CACNA2D1: variants seen among roughly 807,000 people sequenced by gnomAD.
The protein encoded by CACNA2D1 is calcium voltage-gated channel auxiliary subunit alpha2delta 1, also known as voltage-dependent calcium channel subunit alpha-2/delta-1.
In CACNA2D1, 53 loss-of-function variants were observed where a neutral mutation model predicts 171.5. The ratio of observed to expected loss-of-function variants is 0.31; its 90% CI spans 0.25 to 0.39. The LOEUF is 0.39. Among genes scored for constraint, CACNA2D1 ranks in the 10% least tolerant of loss-of-function variants. CACNA2D1 has a pLI of 1.00. For missense variants in CACNA2D1, 903 were observed against 1,299.8 expected (o/e 0.69, Z 4.69); for synonymous variants, 442 against 443.1 (o/e 1.00, Z 0.03).
intron 3 of CACNA2D1, among the ~76,000 whole-genome samples, chr7:82,211,928 G>C (rs550662585): frequency 6.6e-6 from 1 of 152,160 alleles, no homozygotes; most frequent in African/African-American, 2.4e-5. Flanking sequence ...CATCCATTCT[G>C]ACTGGTATGA....
intron 26 of CACNA2D1, 39 bp downstream of exon 26, chr7:81,971,738 G>T (rs757974632): frequency 2.7e-6 from 3 of 1,121,254 alleles, no homozygotes; most frequent in Admixed American, 3.4e-5. Context: ...AAATTGAAAT[G>T]CAGAATACAT....
intron 10 of CACNA2D1, among the ~76,000 whole-genome samples, chr7:82,060,167 T>TATATATATA (rs1554381642): frequency 0.37 from 4,325 of 11,804 alleles, 1,006 homozygotes; most frequent in South Asian, 0.5. Flanking sequence ...ATATATATAA[T>TATATATATA]ATATATATAT....
intron 28 of CACNA2D1, among the ~76,000 whole-genome samples, chr7:81,969,287 A>G (rs1795029287): frequency 6.6e-6 from 1 of 151,388 alleles, no homozygotes; most frequent in South Asian, 2.1e-4. Flanking sequence ...GTTCTGCTGA[A>G]GTGAAGTGGA....
At chr7:82,085,787 C>T (rs1810404236) in intron 6 of CACNA2D1, among the ~76,000 whole-genome samples, 1 of 151,600 alleles carries the variant, frequency 6.6e-6, no homozygotes, top group Non-Finnish European at 1.5e-5. Context: ...AGAAACTAAT[C>T]TTGGATAGGT....
Position 81,950,206 on chromosome 7 carries a change from G to A in CACNA2D1, c.*186C>T. ...GATGCAGCATTCACACACGTTTAAG[G>A]ATCTGACACCCTGACATGCAGCCAG... On this transcript the variant is annotated 3_prime_UTR_variant, in exon 39 of 39. Transcript: ENST00000356860. 1 of 975,488 alleles carries A rather than the reference G, an allele frequency of 1.0e-6. No individual in the cohort carries two copies. 60.4% of individuals were successfully genotyped at this position (975,488 alleles called of 1,614,324 possible).
At chr7:82,295,364 T>C (rs1194983518) in intron 3 of CACNA2D1, among the ~76,000 whole-genome samples, 1 of 149,724 alleles carries the variant, frequency 6.7e-6, no homozygotes, top group African/African-American at 2.5e-5. Context: ...TGAGACAGGG[T>C]CTCACTCTGT....
At chr7:82,022,320 G>T (rs1385949966) in intron 12 of CACNA2D1, among the ~76,000 whole-genome samples, 1 of 151,382 alleles carries the variant, frequency 6.6e-6, no homozygotes, top group Admixed American at 6.6e-5. Context: ...TGTAGTTATT[G>T]TTTTCAGCTT....
Position 82,349,474 on chromosome 7 carries a change from C to T in CACNA2D1, c.177+94G>A, listed in dbSNP as rs1238916003. The T allele has an allele frequency of 4.1e-6, 4 of 986,782 alleles. No homozygotes were observed. In the East Asian group the frequency reaches 7.1e-5, roughly 18 times the overall value. 61.1% of individuals were successfully genotyped at this position (986,782 alleles called of 1,614,324 possible). Reference sequence around the variant, plus strand: ...CCAGATCCACATGAGAAATCATATCCCATTTGTAATATAGAGACACAGTTT... The same window carrying T: ...CCAGATCCACATGAGAAATCATATCTCATTTGTAATATAGAGACACAGTTT... On this transcript the variant is annotated intron_variant, in intron 2 of 38. Coordinates refer to ENST00000356860, the MANE Select transcript of CACNA2D1 (RefSeq NM_000722.4).
intron 3 of CACNA2D1, among the ~76,000 whole-genome samples, chr7:82,207,632 AC>A (rs1324770210): frequency 8.5e-5 from 13 of 152,154 alleles, no homozygotes; most frequent in Admixed American, 2.0e-4. Context: ...TTAATCTTTG[AC>A]CCTGTGCTAC....
chr7:82,084,027 T>C (rs573912838), intron 7 of CACNA2D1, among the ~76,000 whole-genome samples: 44 of 152,190 alleles, frequency 2.9e-4, no homozygotes, highest in Admixed American at 9.2e-4. Flanking sequence ...ACGCATTTTA[T>C]GTTTTTCAGC....
rs1806589054 is a variant in CACNA2D1 at position 82,060,199 on chromosome 7, TATTATATATATA to T, written c.879+217_879+228del. On this transcript the variant is annotated intron_variant, in intron 10 of 38. Coordinates refer to ENST00000356860, the MANE Select transcript of CACNA2D1 (RefSeq NM_000722.4). ...ATATAATATATATATATTATATATA[TATTATATATATA>T]ATATATATATAATATATATATATAA... Among the ~76,000 whole-genome samples the T allele has an allele frequency of 2.6e-4, 3 of 11,368 alleles. 1 individual carries two copies. The highest frequency in any genetic ancestry group is 0.015 in the East Asian group (2 of 136). The allele number at this position is 11,368 out of a possible 152,430, so 7.5% of individuals were successfully genotyped here. A position where few individuals can be genotyped will look rare whatever the true frequency, so the allele number is the denominator to read the frequency against.
chr7:82,234,263 A>T (rs1289791140), intron 3 of CACNA2D1, among the ~76,000 whole-genome samples: 2 of 152,144 alleles, frequency 1.3e-5, no homozygotes, highest in African/African-American at 2.4e-5. Context: ...TATCAAAAGC[A>T]CATACATAAT....
chr7:82,058,329 T>C (rs1806194632), intron 10 of CACNA2D1, among the ~76,000 whole-genome samples: 1 of 152,146 alleles, frequency 6.6e-6, no homozygotes, highest in Non-Finnish European at 1.5e-5. Flanking sequence ...GAATAAGACA[T>C]TCACCACATT....
chr7:81,980,911 C>A (rs946662279), intron 24 of CACNA2D1, among the ~76,000 whole-genome samples: 1 of 152,130 alleles, frequency 6.6e-6, no homozygotes, highest in African/African-American at 2.4e-5. Flanking sequence ...ATAGGTAGAA[C>A]TTTCCAAAGG....
intron 4 of CACNA2D1, among the ~76,000 whole-genome samples, chr7:82,157,991 T>A (rs1195326149): frequency 6.6e-6 from 1 of 151,892 alleles, no homozygotes; most frequent in South Asian, 2.1e-4. Flanking sequence ...TAAACATATA[T>A]GTTTACATAT....
At chr7:82,316,016 A>C (rs1376108748) in intron 3 of CACNA2D1, among the ~76,000 whole-genome samples, 1 of 152,068 alleles carries the variant, frequency 6.6e-6, no homozygotes, top group Non-Finnish European at 1.5e-5. Flanking sequence ...CTAGGCACCA[A>C]AAAATTCAAC....
intron 1 of CACNA2D1, among the ~76,000 whole-genome samples, chr7:82,385,606 C>T (rs989111173): frequency 5.3e-5 from 8 of 150,480 alleles, no homozygotes; most frequent in African/African-American, 2.0e-4. Flanking sequence ...ATACCACTTA[C>T]ACTAGTACAG....
intron 3 of CACNA2D1, among the ~76,000 whole-genome samples, chr7:82,244,736 A>G (rs1804708197): frequency 6.6e-6 from 1 of 152,180 alleles, no homozygotes; most frequent in Admixed American, 6.5e-5. Flanking sequence ...TCTCAATAAG[A>G]ATAAGCCTCA....
chr7:82,292,467 G>C (rs1329613502), intron 3 of CACNA2D1, among the ~76,000 whole-genome samples: 1 of 152,136 alleles, frequency 6.6e-6, no homozygotes, highest in Non-Finnish European at 1.5e-5. Flanking sequence ...GTAGCTTCCT[G>C]AGAAAAGGTG....
Sources: gnomAD v4.1 joint callset for allele counts (sites outside exome capture counted in the v4.1 genomes callset) on GRCh38, gnomAD v4.1.1 for gene constraint, MANE v1.5 for transcripts, NCBI Gene and HGNC (gene_info 2026-07-23, HGNC 2026-07-21) for gene names.